NELL2: variants seen among roughly 807,000 people sequenced by gnomAD.
NELL2 encodes the protein protein kinase C-binding protein NELL2.
NELL2 carries 41 observed loss-of-function variants against 109.6 expected under a neutral mutation model. That is an observed-to-expected ratio of 0.37 (90% confidence interval 0.29 to 0.49). NELL2 has a LOEUF of 0.49. Among genes scored for constraint, NELL2 ranks in the 20% least tolerant of loss-of-function variants. The probability of loss-of-function intolerance (pLI) is 0.98; values close to 1 mark genes in which losing one functional copy is unlikely to be tolerated. For synonymous variants in NELL2, 355 were observed against 344.7 expected (o/e 1.03, Z -0.33); for missense variants, 900 against 1,008.3 (o/e 0.89, Z 1.45).
intron 10 of NELL2, among the ~76,000 whole-genome samples, chr12:44,711,662 C>G (rs1002742230): frequency 6.6e-6 from 1 of 151,930 alleles, no homozygotes; most frequent in Non-Finnish European, 1.5e-5. Flanking sequence ...CTGGGTAATC[C>G]TGGAAAATTT....
At chr12:44,611,339 G>C (rs1045897315) in intron 13 of NELL2, among the ~76,000 whole-genome samples, 5 of 152,058 alleles carry the variant, frequency 3.3e-5, no homozygotes, top group Middle Eastern at 3.2e-3. Context: ...CATCTCTGTA[G>C]CATGTGAACG....
At chr12:44,867,649 T>C (rs1001361290) in intron 2 of NELL2, among the ~76,000 whole-genome samples, 10 of 152,148 alleles carry the variant, frequency 6.6e-5, no homozygotes, top group Non-Finnish European at 5.9e-5. Context: ...GAGAAAGAAA[T>C]AAAAGGCATC....
rs534820946 is a variant in NELL2, at chr12:44,814,654, A to G, written c.335+1332T>C. 1.4e-4 allele frequency among the ~76,000 whole-genome samples: 22 copies of G among 152,318 alleles called. 1 individual carries two copies. The highest frequency in any genetic ancestry group is 5.1e-4 in the African/African-American group (21 of 41,568). ...AACAGGCCAGAATCTGGGAGGAAAG[A>G]AACCCAAGTGAAGGGCCTGGGAAAT... On this transcript the variant is annotated intron_variant, in intron 3 of 19. Transcript: ENST00000429094.
chr12:44,630,482 T>G (rs1042152375), intron 13 of NELL2, among the ~76,000 whole-genome samples: 1 of 152,268 alleles, frequency 6.6e-6, no homozygotes, highest in East Asian at 1.9e-4. Flanking sequence ...AGTGTATATC[T>G]TTTGAAAAGT....
At chr12:44,650,063 G>C (rs746019761) in intron 13 of NELL2, among the ~76,000 whole-genome samples, 1 of 152,134 alleles carries the variant, frequency 6.6e-6, no homozygotes, top group Non-Finnish European at 1.5e-5. Flanking sequence ...CTCTCGCAAA[G>C]GAGTTGCAAA....
chr12:44,549,801 T>C (rs536536523), intron 15 of NELL2, among the ~76,000 whole-genome samples: 1 of 152,266 alleles, frequency 6.6e-6, no homozygotes, highest in East Asian at 1.9e-4. Context: ...CTTCACATTG[T>C]TATAATGTCC....
At chr12:44,709,213 T>G (rs1938056005) in intron 11 of NELL2, among the ~76,000 whole-genome samples, 1 of 152,160 alleles carries the variant, frequency 6.6e-6, no homozygotes, top group African/African-American at 2.4e-5. Flanking sequence ...CCCCTTCTCT[T>G]GAATGTGGGC....
At chr12:44,527,643 T>C (rs752282019) in intron 16 of NELL2, among the ~76,000 whole-genome samples, 26 of 152,088 alleles carry the variant, frequency 1.7e-4, no homozygotes, top group Non-Finnish European at 3.2e-4. Flanking sequence ...AACAGAAAAA[T>C]AGCACCTTCT....
intron 12 of NELL2, among the ~76,000 whole-genome samples, chr12:44,678,063 T>C (rs1948375987): frequency 6.6e-6 from 1 of 151,868 alleles, no homozygotes. Context: ...AGGTAGAGGA[T>C]GTAGAATGAG....
intron 2 of NELL2, among the ~76,000 whole-genome samples, chr12:44,840,780 T>C (rs1190523542): frequency 1.3e-5 from 2 of 152,244 alleles, no homozygotes; most frequent in African/African-American, 2.4e-5. Context: ...AATTGTATTA[T>C]GAGTAAATCA....
chr12:44,528,181 C>A (rs1025355474), intron 16 of NELL2, among the ~76,000 whole-genome samples: 1 of 139,106 alleles, frequency 7.2e-6, no homozygotes, highest in Non-Finnish European at 1.5e-5. Context: ...TTCTGATAAT[C>A]TTTATAAATT....
At chr12:44,829,945 T>A in intron 2 of NELL2, among the ~76,000 whole-genome samples, 1 of 152,132 alleles carries the variant, frequency 6.6e-6, no homozygotes. Context: ...TGAGATCTGA[T>A]CAAATATTCA....
intron 12 of NELL2, among the ~76,000 whole-genome samples, chr12:44,684,721 A>G (rs764329945): frequency 6.6e-6 from 1 of 151,840 alleles, no homozygotes; most frequent in Non-Finnish European, 1.5e-5. Flanking sequence ...CATGTAGTTG[A>G]GTGGTTTTGA....
At chr12:44,539,376 GGCGGGGGGGATGCCTT>G (rs1019477018) in intron 15 of NELL2, among the ~76,000 whole-genome samples, 14 of 152,164 alleles carry the variant, frequency 9.2e-5, no homozygotes, top group African/African-American at 3.1e-4. Flanking sequence ...ACAAGAAATT[GGCGGGGGGGATGCCTT>G]CATTGATTCT....
At chr12:44,640,662 T>G (rs1432647435) in intron 13 of NELL2, among the ~76,000 whole-genome samples, 1 of 152,146 alleles carries the variant, frequency 6.6e-6, no homozygotes, top group African/African-American at 2.4e-5. Context: ...ATCTTCCAGA[T>G]TGTATTTTGT....
chr12:44,671,214 G>A (rs972108611), intron 12 of NELL2, among the ~76,000 whole-genome samples: 1 of 152,024 alleles, frequency 6.6e-6, no homozygotes, highest in African/African-American at 2.4e-5. Flanking sequence ...TAGAAATTAC[G>A]AAGACAATAA....
At chr12:44,919,488 T>C (rs1945853430) in intron 1 of NELL2, among the ~76,000 whole-genome samples, 1 of 152,106 alleles carries the variant, frequency 6.6e-6, no homozygotes, top group Non-Finnish European at 1.5e-5. Flanking sequence ...GAAATAAGGT[T>C]TCTGCAGACG....
At chr12:44,862,714 T>A (rs966087426) in intron 2 of NELL2, among the ~76,000 whole-genome samples, 2 of 151,990 alleles carry the variant, frequency 1.3e-5, no homozygotes, top group Non-Finnish European at 2.9e-5. Context: ...AAACACAAAT[T>A]CTTCAGCTAA....
At chr12:44,855,785 A>C (rs1944666032) in intron 2 of NELL2, among the ~76,000 whole-genome samples, 1 of 152,250 alleles carries the variant, frequency 6.6e-6, no homozygotes, top group African/African-American at 2.4e-5. Flanking sequence ...GGTTCTTCAA[A>C]ATGCTGTTAT....
Sources: allele counts gnomAD v4.1 joint callset (sites outside exome capture counted in the v4.1 genomes callset), GRCh38; gene constraint gnomAD v4.1.1; transcripts MANE v1.5; gene names NCBI Gene and HGNC (gene_info 2026-07-23, HGNC 2026-07-21).